Variants in RAB28 observed in about 807,000 individuals in gnomAD.
RAB28 encodes the protein ras-related protein Rab-28.
A neutral mutation model predicts 31.7 loss-of-function variants in RAB28; 24 were observed. The ratio of observed to expected loss-of-function variants is 0.76; its 90% CI spans 0.55 to 1.06. RAB28 has a LOEUF of 1.06. RAB28 is among the 50% of genes least tolerant of loss of function. The probability of loss-of-function intolerance (pLI) is 0.00; values close to 1 mark genes in which losing one functional copy is unlikely to be tolerated. For synonymous variants in RAB28, 100 were observed against 90.4 expected, an observed-to-expected ratio of 1.11 and a Z score of -0.60; for missense variants, 254 against 258.5, an observed-to-expected ratio of 0.98 and a Z score of 0.12.
intron 4 of RAB28, among the ~76,000 whole-genome samples, chr4:13,387,425 C>T (rs1465630669): frequency 6.6e-6 from 1 of 151,954 alleles, no homozygotes; most frequent in African/African-American, 2.4e-5. Context: ...AAAACATTAA[C>T]AAAACTTGTA....
At chr4:13,413,775 A>G (rs775544068) in intron 4 of RAB28, among the ~76,000 whole-genome samples, 3 of 152,224 alleles carry the variant, frequency 2.0e-5, no homozygotes, top group Non-Finnish European at 4.4e-5. Context: ...GAGAATGCCA[A>G]GTATAACTTT....
intron 6 of RAB28, among the ~76,000 whole-genome samples, chr4:13,373,520 G>A (rs1728798099): frequency 6.6e-6 from 1 of 152,080 alleles, no homozygotes; most frequent in African/African-American, 2.4e-5. Context: ...ATTCATTTCT[G>A]TATCCCCAGA....
intron 4 of RAB28, among the ~76,000 whole-genome samples, chr4:13,443,146 C>T (rs1187218826): frequency 6.6e-6 from 1 of 151,652 alleles, no homozygotes; most frequent in African/African-American, 2.4e-5. Flanking sequence ...AAATAAAAAT[C>T]TTAAAACAAC....
At chr4:13,404,974 A>G (rs1711991505) in intron 4 of RAB28, among the ~76,000 whole-genome samples, 2 of 151,972 alleles carry the variant, frequency 1.3e-5, no homozygotes, top group African/African-American at 4.8e-5. Context: ...AAAATTCTAA[A>G]ACAGAATTTA....
At chr4:13,454,131 C>T (rs1239493114) in intron 4 of RAB28, among the ~76,000 whole-genome samples, 1 of 151,888 alleles carries the variant, frequency 6.6e-6, no homozygotes, top group African/African-American at 2.4e-5. Flanking sequence ...TGTTGCAGCT[C>T]CTGATAGTAT....
chr4:13,390,801 G>C (rs1230975809), intron 4 of RAB28, among the ~76,000 whole-genome samples: 2 of 152,138 alleles, frequency 1.3e-5, no homozygotes, highest in Non-Finnish European at 2.9e-5. Context: ...ACAAGCAATG[G>C]GGAAAGGATT....
At chr4:13,402,008 C>G (rs750904399) in intron 4 of RAB28, among the ~76,000 whole-genome samples, 3 of 152,146 alleles carry the variant, frequency 2.0e-5, no homozygotes, top group Non-Finnish European at 4.4e-5. Flanking sequence ...CTCTTTGGCC[C>G]ACAGGCTGTT....
chr4:13,375,031 C>T (rs1174294480), intron 6 of RAB28, among the ~76,000 whole-genome samples: 4 of 152,096 alleles, frequency 2.6e-5, no homozygotes, highest in Non-Finnish European at 5.9e-5. Context: ...TTCATACCAG[C>T]TCCTCTTTCA....
At chr4:13,428,878 A>C (rs1277261612) in intron 4 of RAB28, among the ~76,000 whole-genome samples, 2 of 152,178 alleles carry the variant, frequency 1.3e-5, no homozygotes, top group Non-Finnish European at 2.9e-5. Flanking sequence ...AGGGGAAAAA[A>C]AATAAATGAT....
intron 4 of RAB28, among the ~76,000 whole-genome samples, chr4:13,454,372 T>C (rs1280962112): frequency 1.3e-5 from 2 of 152,238 alleles, no homozygotes; most frequent in East Asian, 1.9e-4. Context: ...AGTATTATTA[T>C]ATTCCTTTAA....
chr4:13,422,460 G>T (rs1351322230), intron 4 of RAB28, among the ~76,000 whole-genome samples: 1 of 152,120 alleles, frequency 6.6e-6, no homozygotes, highest in Non-Finnish European at 1.5e-5. Context: ...TATGTTTATT[G>T]CGGCACTATT....
At chr4:13,449,109 T>G (rs372075380) in intron 4 of RAB28, among the ~76,000 whole-genome samples, 1 of 151,988 alleles carries the variant, frequency 6.6e-6, no homozygotes, top group East Asian at 1.9e-4. Flanking sequence ...CGAAAAAGTT[T>G]CTGTTTATGC....
At chr4:13,407,414 G>A (rs533291042) in intron 4 of RAB28, among the ~76,000 whole-genome samples, 15 of 152,288 alleles carry the variant, frequency 9.8e-5, no homozygotes, top group African/African-American at 3.6e-4. Flanking sequence ...CTGCAGCCCC[G>A]TAGTAGGATT....
intron 4 of RAB28, among the ~76,000 whole-genome samples, chr4:13,454,719 C>T (rs1252171660): frequency 1.3e-5 from 2 of 152,134 alleles, no homozygotes; most frequent in East Asian, 3.9e-4. Flanking sequence ...TGCATACATG[C>T]ACATGGTAAG....
chr4:13,424,510 C>G (rs1353567334), intron 4 of RAB28, among the ~76,000 whole-genome samples: 1 of 152,200 alleles, frequency 6.6e-6, no homozygotes, highest in East Asian at 1.9e-4. Flanking sequence ...AACTTGATTA[C>G]ATCTGCAGAG....
intron 6 of RAB28, among the ~76,000 whole-genome samples, chr4:13,369,383 T>C (rs1219331606): frequency 6.6e-6 from 1 of 152,122 alleles, no homozygotes; most frequent in Non-Finnish European, 1.5e-5. Context: ...TCAAGGAACA[T>C]CTAAAATGAT....
At chr4:13,370,069 A>C in intron 6 of RAB28, 1 of 1,459,726 alleles carries the variant, frequency 6.9e-7, no homozygotes, top group Non-Finnish European at 9.0e-7. Context: ...GGAAACACCA[A>C]AGTAGAAAAA....
intron 6 of RAB28, chr4:13,369,921 A>T (rs1560263703): frequency 1.2e-6 from 2 of 1,612,256 alleles, no homozygotes; most frequent in Non-Finnish European, 1.7e-6. Context: ...TGGTATGTTG[A>T]TTTTCTTCTT....
In RAB28 at chr4:13,376,588, A is replaced by C; in HGVS notation, c.530T>G (p.Ile177Ser). 1 of 1,603,496 alleles carries C rather than the reference A, an allele frequency of 6.2e-7. No individual in the cohort carries two copies. Among genetic ancestry groups the C allele is most frequent in the Non-Finnish European group, 8.5e-7 (1 of 1,175,950 alleles). The change falls in exon 6 of 7, where the codon ATC (isoleucine) becomes AGC (serine). Residue 177 changes from isoleucine (I) to serine (S), a missense_variant. Physicochemically the swap from Ile to Ser is moderately radical, Grantham distance 142. Coordinates refer to ENST00000330852, the MANE Select transcript of RAB28 (RefSeq NM_001017979.3). The part of the protein sequence containing the change: ...FLCFQKVAAE[I>S]LGIKLNKAEI... ...TGCTTTGTTTAATTTGATCCCAAGG[A>C]TTTCAGCAGCAACTTTCTGAAAGCA...
Sources: gnomAD v4.1 joint callset for allele counts (sites outside exome capture counted in the v4.1 genomes callset) on GRCh38, gnomAD v4.1.1 for gene constraint, MANE v1.5 for transcripts, NCBI Gene and HGNC (gene_info 2026-07-23, HGNC 2026-07-21) for gene names.